NME9: variants seen among roughly 807,000 people sequenced by gnomAD.
NME9 encodes thioredoxin domain-containing protein 6.
A neutral mutation model predicts 44.4 loss-of-function variants in NME9; 48 were observed. The ratio of observed to expected loss-of-function variants is 1.08; its 90% CI spans 0.86 to 1.37. NME9 has a LOEUF of 1.37. NME9 is among the 40% of genes most tolerant of loss of function. The pLI is 0.00. For missense variants in NME9, 325 were observed against 405.2 expected (o/e 0.80, Z 1.70); for synonymous variants, 139 against 147.1 (o/e 0.94, Z 0.40).
At chr3:138,278,503 C>CAA (rs34583566) in intron 8 of NME9, among the ~76,000 whole-genome samples, 1 of 140,674 alleles carries the variant, frequency 7.1e-6, no homozygotes, top group African/African-American at 2.6e-5. Context: ...GACTCCATCT[C>CAA]AAAAAAAAAA....
chr3:138,291,544 T>C (rs1207040110), intron 8 of NME9, among the ~76,000 whole-genome samples: 2 of 152,206 alleles, frequency 1.3e-5, no homozygotes, highest in Non-Finnish European at 2.9e-5. Flanking sequence ...CTCGTGTAAC[T>C]TACATTCTAG....
intron 8 of NME9, among the ~76,000 whole-genome samples, chr3:138,292,204 A>AT (rs1482816153): frequency 5.3e-5 from 8 of 151,670 alleles, no homozygotes; most frequent in Admixed American, 3.9e-4. Context: ...CGCCCAGCTA[A>AT]TTTTTTTGTA....
At chr3:138,278,379 C>T (rs1008842963) in intron 8 of NME9, among the ~76,000 whole-genome samples, 3 of 152,008 alleles carry the variant, frequency 2.0e-5, no homozygotes, top group African/African-American at 7.2e-5. Flanking sequence ...GGTCACGCAC[C>T]TGTAGTCCCA....
At chr3:138,318,282 TG>T in intron 3 of NME9, 63 bp from the exon 4 acceptor site, 1 of 1,074,288 alleles carries the variant, frequency 9.3e-7, no homozygotes, top group South Asian at 1.3e-5. Context: ...AATTGATTGG[TG>T]GGAAACCACA....
intron 8 of NME9, among the ~76,000 whole-genome samples, chr3:138,294,766 T>C (rs75923610): frequency 0.011 from 1,654 of 152,292 alleles, 26 homozygotes; most frequent in African/African-American, 0.038. Context: ...TTACCATGTT[T>C]GTGATAGGAA....
intron 7 of NME9, 139 bp from the exon 8 acceptor site, chr3:138,306,235 C>G: frequency 1.2e-6 from 1 of 830,036 alleles, no homozygotes; most frequent in East Asian, 2.6e-5. Flanking sequence ...ATTATCTGTC[C>G]CAATCAGATT....
At chr3:138,316,006 G>A (rs2053054430) in intron 4 of NME9, among the ~76,000 whole-genome samples, 1 of 152,040 alleles carries the variant, frequency 6.6e-6, no homozygotes, top group African/African-American at 2.4e-5. Flanking sequence ...TAATTTTTTT[G>A]TATTTTTAGT....
intron 2 of NME9, among the ~76,000 whole-genome samples, chr3:138,322,359 T>A: frequency 1.8e-5 from 1 of 55,158 alleles, no homozygotes; most frequent in East Asian, 5.8e-4. Context: ...CACAAAGTTA[T>A]GGAGGAAGCG....
At chr3:138,271,538 C>G (rs2108299650) in intron 8 of NME9, among the ~76,000 whole-genome samples, 1 of 152,286 alleles carries the variant, frequency 6.6e-6, no homozygotes, top group African/African-American at 2.4e-5. Flanking sequence ...CATTTCACTC[C>G]TCAAATCTGT....
chr3:138,316,989 C>G (rs2108452287), intron 4 of NME9, among the ~76,000 whole-genome samples: 1 of 152,332 alleles, frequency 6.6e-6, no homozygotes, highest in Non-Finnish European at 1.5e-5. Context: ...GGTCCTCCTT[C>G]CATTTCCATC....
chr3:138,287,191 C>T (rs999805501), intron 8 of NME9, among the ~76,000 whole-genome samples: 1 of 152,210 alleles, frequency 6.6e-6, no homozygotes, highest in African/African-American at 2.4e-5. Context: ...CTTTCAGGGG[C>T]TTCCTCTCAA....
At chr3:138,264,625 G>T (rs892786499) in intron 8 of NME9, among the ~76,000 whole-genome samples, 1 of 151,202 alleles carries the variant, frequency 6.6e-6, no homozygotes. Flanking sequence ...TCACCATATT[G>T]GTCAGGCTGG....
chr3:138,327,920 T>A (rs1404542639), intron 1 of NME9, among the ~76,000 whole-genome samples: 1 of 152,056 alleles, frequency 6.6e-6, no homozygotes, highest in Non-Finnish European at 1.5e-5. Context: ...GACCATAATA[T>A]GGGGCAATAA....
At position 138,304,729 on chromosome 3, in the gene NME9, G is replaced by C. The variant is rs998722777; in HGVS notation, c.791+144C>G. ...TGGAACAGAGCGGGAAGATGTCAGGGTCTCCCCAAATATATAATAGAGAGC... is the reference window on the plus strand; with the variant it reads ...TGGAACAGAGCGGGAAGATGTCAGGCTCTCCCCAAATATATAATAGAGAGC... On this transcript the variant is annotated intron_variant, in intron 9 of 10. Coordinates refer to ENST00000333911, the MANE Select transcript of NME9 (RefSeq NM_001349018.2). 6.2e-6 allele frequency: 5 copies of C among 806,176 alleles called. No homozygotes were observed. In the African/African-American group the frequency reaches 8.7e-5, roughly 14 times the overall value. 49.9% of individuals were successfully genotyped at this position (806,176 alleles called of 1,614,324 possible).
chr3:138,291,557 T>G (rs1488157829), intron 8 of NME9, among the ~76,000 whole-genome samples: 2 of 152,148 alleles, frequency 1.3e-5, no homozygotes, highest in East Asian at 1.9e-4. Flanking sequence ...CATTCTAGTA[T>G]AGAAGATAGA....
downstream of NME9, among the ~76,000 whole-genome samples, chr3:138,299,586 A>G (rs2051735866): frequency 6.6e-6 from 1 of 152,084 alleles, no homozygotes; most frequent in East Asian, 1.9e-4. Context: ...TTATGCCATG[A>G]AACTTGTGGA....
In NME9 at chr3:138,301,335, G is replaced by C. The variant is rs1054466810; in HGVS notation, c.*305C>G. The C allele has an allele frequency of 2.7e-6, 1 of 364,362 alleles. No homozygotes were observed. Among genetic ancestry groups the C allele is most frequent in the African/African-American group, 2.1e-5 (1 of 46,664 alleles). The allele number at this position is 364,362 out of a possible 1,614,324, so 22.6% of individuals were successfully genotyped here. A position where few individuals can be genotyped will look rare whatever the true frequency, so the allele number is the denominator to read the frequency against. ...TTCTCATGCCTAAGCCACCCGAGTA[G>C]CTGGATGACAGGTGCACACCACCAC... On this transcript the variant is annotated 3_prime_UTR_variant, in exon 11 of 11. Coordinates refer to ENST00000333911, the MANE Select transcript of NME9 (RefSeq NM_001349018.2).
intron 1 of NME9, 81 bp from the exon 2 acceptor site, chr3:138,325,011 CTCTT>C (rs2108466964): frequency 9.1e-7 from 1 of 1,101,574 alleles, no homozygotes; most frequent in South Asian, 1.3e-5. Context: ...CTAGATTTCT[CTCTT>C]CTATCTCTGA....
rs2054002222 is a variant in NME9, at chr3:138,329,629, G to C, written c.-294C>G. The C allele has an allele frequency of 5.4e-6, 7 of 1,286,998 alleles. No homozygotes were observed. The East Asian group carries it at 1.4e-4, about 25-fold the overall frequency. The allele number at this position is 1,286,998 out of a possible 1,614,324, so 79.7% of individuals were successfully genotyped here. On this transcript the variant is annotated 5_prime_UTR_variant, in exon 1 of 11. Coordinates refer to ENST00000333911, the MANE Select transcript of NME9 (RefSeq NM_001349018.2). Reference sequence around the variant, plus strand: ...CCCACCCCGGAGCCGGCCAGGGGGCGCGCGCAGAGGCCGGAGTCAGTGCGC... The same window carrying C: ...CCCACCCCGGAGCCGGCCAGGGGGCCCGCGCAGAGGCCGGAGTCAGTGCGC...
Sources: allele counts gnomAD v4.1 joint callset (sites outside exome capture counted in the v4.1 genomes callset), GRCh38; gene constraint gnomAD v4.1.1; transcripts MANE v1.5; gene names NCBI Gene and HGNC (gene_info 2026-07-23, HGNC 2026-07-21).